Variants in HS6ST3 observed in about 807,000 individuals in gnomAD.
HS6ST3 encodes heparan sulfate 6-O-sulfotransferase 3.
HS6ST3 carries 12 observed loss-of-function variants against 36.7 expected under a neutral mutation model. The observed-to-expected ratio is 0.33, with a 90% CI of 0.21 to 0.53. HS6ST3 has a LOEUF of 0.53. Ranked by LOEUF, HS6ST3 falls within the 20% of genes least tolerant of loss-of-function variation. The pLI, the probability that HS6ST3 is intolerant of heterozygous loss-of-function variation, is 0.95. For missense variants in HS6ST3, 584 were observed against 640.9 expected, an observed-to-expected ratio of 0.91 and a Z score of 0.96; for synonymous variants, 240 against 257.5, an observed-to-expected ratio of 0.93 and a Z score of 0.65.
chr13:96,473,069 G>A lies in HS6ST3; in HGVS notation c.708-359421G>A, dbSNP rs559725849. Among the ~76,000 whole-genome samples, 8 of 152,192 alleles carry A rather than the reference G, an allele frequency of 5.3e-5. No homozygotes were observed. In the South Asian group the frequency reaches 6.2e-4, roughly 12 times the overall value. ...AAAGTCACTTTCCAAAGCCAAATGC[G>A]TGCTCTTCCCCACCTCCTTGTAAGT... On this transcript the variant is annotated intron_variant, in intron 1 of 1. Coordinates refer to ENST00000376705, the MANE Select transcript of HS6ST3 (RefSeq NM_153456.4).
chr13:96,454,126 G>A (rs139303311), intron 1 of HS6ST3, among the ~76,000 whole-genome samples: 57 of 152,204 alleles, frequency 3.7e-4, no homozygotes, highest in African/African-American at 1.4e-3. Flanking sequence ...TATTGGCTTT[G>A]TGGGCAGTAG....
chr13:96,396,932 G>C (rs957863734), intron 1 of HS6ST3, among the ~76,000 whole-genome samples: 52 of 152,190 alleles, frequency 3.4e-4, no homozygotes, highest in Non-Finnish European at 5.6e-4. Context: ...GCTGGGTGTG[G>C]TGGCACACGC....
intron 1 of HS6ST3, among the ~76,000 whole-genome samples, chr13:96,607,198 A>T (rs573330739): frequency 8.5e-5 from 13 of 152,364 alleles, no homozygotes; most frequent in African/African-American, 3.1e-4. Context: ...TCATTTGGTT[A>T]TGTAAACAAA....
At chr13:96,103,538 T>C (rs1462547242) in intron 1 of HS6ST3, among the ~76,000 whole-genome samples, 3 of 152,188 alleles carry the variant, frequency 2.0e-5, no homozygotes, top group South Asian at 2.1e-4. Flanking sequence ...ATGAGACAAT[T>C]TGGATAAGAA....
At chr13:96,274,390 C>G (rs1204390817) in intron 1 of HS6ST3, among the ~76,000 whole-genome samples, 1 of 151,946 alleles carries the variant, frequency 6.6e-6, no homozygotes, top group Admixed American at 6.6e-5. Flanking sequence ...TCCCTAGGAG[C>G]TGCATTAGAC....
rs180892911 is a variant in HS6ST3 at position 96,336,328 on chromosome 13, A to G, written c.707+244759A>G. On this transcript the variant is annotated intron_variant, in intron 1 of 1. Coordinates refer to ENST00000376705, the MANE Select transcript of HS6ST3 (RefSeq NM_153456.4). Reference sequence around the variant, plus strand: ...GTGTTTCTAATACCATGAGTTTTCCATTTTAGGTATTATCTACTGACTTAT... The same window carrying G: ...GTGTTTCTAATACCATGAGTTTTCCGTTTTAGGTATTATCTACTGACTTAT... Among the ~76,000 whole-genome samples, 35 of 152,154 alleles carry G rather than the reference A, an allele frequency of 2.3e-4. 1 individual carries two copies. In the East Asian group the frequency reaches 5.2e-3, roughly 23 times the overall value.
intron 1 of HS6ST3, among the ~76,000 whole-genome samples, chr13:96,514,831 CTGTT>C (rs1707364904): frequency 6.6e-6 from 1 of 152,152 alleles, no homozygotes; most frequent in South Asian, 2.1e-4. Flanking sequence ...ATTCATCAAA[CTGTT>C]TGACTTTTGA....
intron 1 of HS6ST3, among the ~76,000 whole-genome samples, chr13:96,304,706 TCTTTC>T (rs1171791372): frequency 2.7e-4 from 27 of 98,704 alleles, no homozygotes; most frequent in Non-Finnish European, 4.1e-4. Context: ...TTTCTTTCTT[TCTTTC>T]TTTTTTTTTT....
chr13:96,433,750 C>T (rs1163886815), intron 1 of HS6ST3, among the ~76,000 whole-genome samples: 2 of 152,096 alleles, frequency 1.3e-5, no homozygotes, highest in African/African-American at 4.8e-5. Flanking sequence ...GCCTGGCCAA[C>T]ATGGTGAAAC....
intron 1 of HS6ST3, among the ~76,000 whole-genome samples, chr13:96,639,937 A>G (rs1424680744): frequency 1.3e-5 from 2 of 151,956 alleles, no homozygotes; most frequent in South Asian, 2.1e-4. Flanking sequence ...ACGTAAATGT[A>G]CCACATTGGC....
At chr13:96,552,959 T>C (rs1344969664) in intron 1 of HS6ST3, among the ~76,000 whole-genome samples, 1 of 152,072 alleles carries the variant, frequency 6.6e-6, no homozygotes. Context: ...CAAATGCTCT[T>C]GGAGTCTTAC....
In HS6ST3 at chr13:96,317,557, T is replaced by C. The variant is rs1312375333; in HGVS notation, c.707+225988T>C. Reference sequence around the variant, plus strand: ...GTGCCTTTTTGGTGTAATGATCTATTTTCCTTTGGGTATATACTTAGTAAT... The same window carrying C: ...GTGCCTTTTTGGTGTAATGATCTATCTTCCTTTGGGTATATACTTAGTAAT... On this transcript the variant is annotated intron_variant, in intron 1 of 1. Coordinates refer to ENST00000376705, the MANE Select transcript of HS6ST3 (RefSeq NM_153456.4). 2.0e-5 allele frequency among the ~76,000 whole-genome samples: 3 copies of C among 151,528 alleles called. 1 individual carries two copies. The highest frequency in any genetic ancestry group is 7.3e-5 in the African/African-American group (3 of 41,366).
intron 1 of HS6ST3, among the ~76,000 whole-genome samples, chr13:96,465,832 C>T (rs1374690657): frequency 1.3e-5 from 2 of 152,068 alleles, no homozygotes; most frequent in Non-Finnish European, 2.9e-5. Flanking sequence ...AAAACATTAA[C>T]AACACTCTCT....
intron 1 of HS6ST3, among the ~76,000 whole-genome samples, chr13:96,412,622 GA>G (rs2055513503): frequency 6.6e-6 from 1 of 152,040 alleles, no homozygotes; most frequent in Non-Finnish European, 1.5e-5. Flanking sequence ...AGAGCCAGAA[GA>G]GAGAGAATTT....
At chr13:96,098,975 G>A (rs1052215634) in intron 1 of HS6ST3, among the ~76,000 whole-genome samples, 4 of 152,048 alleles carry the variant, frequency 2.6e-5, no homozygotes, top group South Asian at 2.1e-4. Flanking sequence ...ATGGAGTCTC[G>A]CTCTGTCACC....
intron 1 of HS6ST3, among the ~76,000 whole-genome samples, chr13:96,740,226 C>A (rs1438697243): frequency 4.6e-5 from 7 of 152,116 alleles, no homozygotes; most frequent in African/African-American, 1.4e-4. Flanking sequence ...TCATATGCCC[C>A]GAATTCAATG....
intron 1 of HS6ST3, among the ~76,000 whole-genome samples, chr13:96,779,273 C>A (rs1877468401): frequency 6.6e-6 from 1 of 151,660 alleles, no homozygotes; most frequent in Non-Finnish European, 1.5e-5. Flanking sequence ...ACCTATGTAA[C>A]AAACCTGCAA....
chr13:96,437,344 G>C (rs988258133), intron 1 of HS6ST3, among the ~76,000 whole-genome samples: 4 of 152,148 alleles, frequency 2.6e-5, no homozygotes, highest in African/African-American at 9.7e-5. Flanking sequence ...TAATTGCTGA[G>C]TATCATCAGC....
At chr13:96,628,377 G>T (rs964326588) in intron 1 of HS6ST3, among the ~76,000 whole-genome samples, 1 of 151,292 alleles carries the variant, frequency 6.6e-6, no homozygotes, top group African/African-American at 2.4e-5. Context: ...TATGGCCTAC[G>T]TGATACCAAT....
Sources: allele counts gnomAD v4.1 joint callset (sites outside exome capture counted in the v4.1 genomes callset), GRCh38; gene constraint gnomAD v4.1.1; transcripts MANE v1.5; gene names NCBI Gene and HGNC (gene_info 2026-07-23, HGNC 2026-07-21).